Variants in FLRT1 observed in about 807,000 individuals in gnomAD.
FLRT1 encodes the protein fibronectin leucine rich transmembrane protein 1.
Under a neutral mutation model 30.9 loss-of-function variants are expected in FLRT1, and 14 were observed. That is an observed-to-expected ratio of 0.45 (90% CI 0.30 to 0.71). The LOEUF (loss-of-function observed/expected upper bound fraction) is 0.71. FLRT1 is among the 30% of genes least tolerant of loss of function. FLRT1 has a pLI of 0.08. For synonymous variants in FLRT1, 368 were observed against 430.4 expected (o/e 0.85, Z 1.80); for missense variants, 737 against 949.2 (o/e 0.78, Z 2.94).
In FLRT1 at chr11:64,064,306, G is replaced by A. The variant is rs746511546; in HGVS notation, c.-1038+28147G>A. Among the ~76,000 whole-genome samples, 2 of 152,182 alleles carry A rather than the reference G, an allele frequency of 1.3e-5. No homozygotes were observed. Among genetic ancestry groups the A allele is most frequent in the Non-Finnish European group, 2.9e-5 (2 of 68,024 alleles). ...CCACGTGCAGCCCTGTTCAGGCGGC[G>A]GGTAGGGGGGTGATGTCTCATCAGA... On this transcript the variant is annotated intron_variant, in intron 1 of 2. Transcript: ENST00000682287. This position sits in a 1 kb window ranked among gnomAD's most constrained non-coding sequence, Gnocchi z 4.5.
intron 1 of FLRT1, among the ~76,000 whole-genome samples, chr11:64,085,807 G>C (rs896420146): frequency 6.6e-5 from 10 of 152,220 alleles, no homozygotes; most frequent in African/African-American, 2.2e-4. Flanking sequence ...AGCTGGGCAA[G>C]TCGGGGAATA....
chr11:64,108,688 T>G (rs2134584383), intron 2 of FLRT1, among the ~76,000 whole-genome samples: 1 of 152,360 alleles, frequency 6.6e-6, no homozygotes, highest in Non-Finnish European at 1.5e-5. Context: ...GAGAAACTGC[T>G]TCTGCCCGCA....
chr11:64,063,121 C>G lies in FLRT1; in HGVS notation c.-1038+26962C>G, dbSNP rs377225664. Among the ~76,000 whole-genome samples the G allele has an allele frequency of 1.6e-4, 25 of 152,268 alleles. No homozygotes were observed. The East Asian group carries it at 4.4e-3, about 27-fold the overall frequency. Reference sequence around the variant, plus strand: ...AAACTTCAGAGAACAACGCGGGCAGCAGAGAGGCCACCCTATGGTGATCAA... The same window carrying G: ...AAACTTCAGAGAACAACGCGGGCAGGAGAGAGGCCACCCTATGGTGATCAA... On this transcript the variant is annotated intron_variant, in intron 1 of 2. Transcript: ENST00000682287.
intron 1 of FLRT1, among the ~76,000 whole-genome samples, chr11:64,054,393 G>C (rs1943746688): frequency 6.6e-6 from 1 of 152,212 alleles, no homozygotes; most frequent in Non-Finnish European, 1.5e-5. Flanking sequence ...CAGCCAGCCT[G>C]ATAGGCTTTG....
At position 64,097,360 on chromosome 11, in the gene FLRT1, G is replaced by A. The variant is rs527744450; in HGVS notation, c.-1037-5834G>A. ...CACCTCTGGCCAGAGCTGCCCACAT[G>A]TGAAGGGAAGGAAGGAAGAAAATAA... On this transcript the variant is annotated intron_variant, in intron 1 of 2. Coordinates refer to ENST00000682287, the MANE Select transcript of FLRT1 (RefSeq NM_013280.5). Among the ~76,000 whole-genome samples the A allele has an allele frequency of 2.6e-5, 4 of 152,376 alleles. No homozygotes were observed. The East Asian group carries it at 7.7e-4, about 29-fold the overall frequency.
intron 1 of FLRT1, among the ~76,000 whole-genome samples, chr11:64,066,294 CAAAAAAAAAA>C (rs59963244): frequency 2.6e-3 from 131 of 50,946 alleles, no homozygotes; most frequent in Non-Finnish European, 4.9e-3. Flanking sequence ...GAGACTGTCT[CAAAAAAAAAA>C]AAAAAAAAAA....
At position 64,070,672 on chromosome 11, in the gene FLRT1, C is replaced by T. The variant is rs113356862; in HGVS notation, c.-1037-32522C>T. On this transcript the variant is annotated intron_variant, in intron 1 of 2. Coordinates refer to ENST00000682287, the MANE Select transcript of FLRT1 (RefSeq NM_013280.5). ...GGGCCTCAGGGGCCTCCCAGCTGAT[C>T]GGGGCAGATTTAACAGGACTTTGAA... is the stretch of plus-strand genomic sequence containing the variant. Among the ~76,000 whole-genome samples the T allele has an allele frequency of 4.4e-3, 675 of 152,240 alleles. 2 individuals carry two copies. The highest frequency in any genetic ancestry group is 0.015 in the African/African-American group (629 of 41,542).
rs1590932597 is a variant in FLRT1 at position 64,116,934 on chromosome 11, A to G, written c.667A>G (p.Ser223Gly). 2 of 1,611,460 alleles carry G rather than the reference A, an allele frequency of 1.2e-6. No individual in the cohort carries two copies. Among genetic ancestry groups the G allele is most frequent in the Non-Finnish European group, 8.5e-7 (1 of 1,179,988 alleles). Residue 223 changes from serine (S) to glycine (G), a missense_variant, in exon 3 of 3, where the codon AGC becomes GGC. Physicochemically the swap from Ser to Gly is moderately conservative, Grantham distance 56. Coordinates refer to ENST00000682287, the MANE Select transcript of FLRT1 (RefSeq NM_013280.5). ...GCTGCATGCCTTCAAGGGCCTCAAC[A>G]GCCTGCGGCGCCTGGTGCTGGACGG... is the stretch of plus-strand genomic sequence containing the variant. Reference protein sequence around the residue: ...IPLHAFKGLNSLRRLVLDGNL... With the variant: ...IPLHAFKGLNGLRRLVLDGNL...
rs184053640 is a variant in FLRT1, at chr11:64,057,655, G to A, written c.-1038+21496G>A. ...CCTTGAAGATCAAGGTCAGGAGAGG[G>A]GGCTACAGGGTCCCCAGGGTGTCTG... On this transcript the variant is annotated intron_variant, in intron 1 of 2. Coordinates refer to ENST00000682287, the MANE Select transcript of FLRT1 (RefSeq NM_013280.5). Among the ~76,000 whole-genome samples, 6 of 152,308 alleles carry A rather than the reference G, an allele frequency of 3.9e-5. No homozygotes were observed. In the East Asian group the frequency reaches 9.6e-4, roughly 24 times the overall value.
At chr11:64,097,013 G>C (rs1944588556) in intron 1 of FLRT1, among the ~76,000 whole-genome samples, 1 of 152,210 alleles carries the variant, frequency 6.6e-6, no homozygotes, top group South Asian at 2.1e-4. Context: ...AAAGGCACAA[G>C]AGCACTCCAG....
At chr11:64,091,046 A>C (rs1169051024) in intron 1 of FLRT1, among the ~76,000 whole-genome samples, 1 of 142,532 alleles carries the variant, frequency 7.0e-6, no homozygotes, top group Non-Finnish European at 1.5e-5. Context: ...AAGAAGACAG[A>C]GGAGGAGGAG....
intron 1 of FLRT1, among the ~76,000 whole-genome samples, chr11:64,073,896 G>T (rs1314680344): frequency 6.6e-6 from 1 of 152,176 alleles, no homozygotes; most frequent in Non-Finnish European, 1.5e-5. Context: ...AGCCACTTAG[G>T]GGCTCTGGGG....
In FLRT1 at chr11:64,100,499, A is replaced by G. The variant is rs142122125; in HGVS notation, c.-1037-2695A>G. 3.8e-3 allele frequency among the ~76,000 whole-genome samples: 578 copies of G among 152,278 alleles called. 2 individuals are homozygous for G. The highest frequency in any genetic ancestry group is 6.8e-3 in the Non-Finnish European group (463 of 68,016). Reference sequence around the variant, plus strand: ...GGAGGCCAAGGCGAGGAGTGTAACCACTAACTTCACACGGCATGGTCTCCA... The same window carrying G: ...GGAGGCCAAGGCGAGGAGTGTAACCGCTAACTTCACACGGCATGGTCTCCA... On this transcript the variant is annotated intron_variant, in intron 1 of 2. Transcript: ENST00000682287.
intron 1 of FLRT1, among the ~76,000 whole-genome samples, chr11:64,078,689 C>A (rs541075909): frequency 6.6e-6 from 1 of 152,268 alleles, no homozygotes; most frequent in African/African-American, 2.4e-5. Context: ...CTTTGAGGTG[C>A]CCCAGCAGCA....
At position 64,082,329 on chromosome 11, in the gene FLRT1, TC is replaced by T. The variant is rs1944318705; in HGVS notation, c.-1037-20863del. On this transcript the variant is annotated intron_variant, in intron 1 of 2. Coordinates refer to ENST00000682287, the MANE Select transcript of FLRT1 (RefSeq NM_013280.5). The surrounding 1 kb of genome is among the most constrained non-coding windows in gnomAD (Gnocchi z 4.5). ...AGCAGAGACGCTGGGTGGAGGATGA[TC>T]CGGGGGGACCGTGGAAGGCAGGACG... 6.6e-6 allele frequency among the ~76,000 whole-genome samples: 1 copy of T among 151,130 alleles called. No homozygotes were observed. The highest frequency in any genetic ancestry group is 1.9e-4 in the East Asian group (1 of 5,136).
chr11:64,067,396 C>G lies in FLRT1; in HGVS notation c.-1038+31237C>G, dbSNP rs1324056881. Among the ~76,000 whole-genome samples the G allele has an allele frequency of 6.6e-6, 1 of 152,150 alleles. No individual in the cohort carries two copies. Among genetic ancestry groups the G allele is most frequent in the Non-Finnish European group, 1.5e-5 (1 of 68,018 alleles). On this transcript the variant is annotated intron_variant, in intron 1 of 2. Transcript: ENST00000682287. The surrounding 1 kb of genome is among the most constrained non-coding windows in gnomAD (Gnocchi z 4.6). ...CTGACGTGAAAATGAAATATAGATT[C>G]AATACCTGAGCCTTTCAGCTCACAA... is the stretch of plus-strand genomic sequence containing the variant.
intron 1 of FLRT1, among the ~76,000 whole-genome samples, chr11:64,061,330 CT>C (rs1332951211): frequency 6.6e-6 from 1 of 152,212 alleles, no homozygotes; most frequent in Non-Finnish European, 1.5e-5. Flanking sequence ...CACGCTGAGC[CT>C]CCGCCCCCAG....
Position 64,103,606 on chromosome 11 carries a change from TA to T in FLRT1, c.-622del, listed in dbSNP as rs1253952580. 2.1e-5 allele frequency: 3 copies of T among 140,376 alleles called. No homozygotes were observed. The highest frequency in any genetic ancestry group is 3.1e-5 in the Non-Finnish European group (2 of 64,798). The allele number at this position is 140,376 out of a possible 1,614,324, so 8.7% of individuals were successfully genotyped here. A position where few individuals can be genotyped will look rare whatever the true frequency, so the allele number is the denominator to read the frequency against. On this transcript the variant is annotated 5_prime_UTR_variant, in exon 2 of 3. Coordinates refer to ENST00000682287, the MANE Select transcript of FLRT1 (RefSeq NM_013280.5). ...GAATTAAAAAAAAAAAAAGCCTTGG[TA>T]AACAAAAAGGGGGTAAAAGCCACGC...
intron 1 of FLRT1, among the ~76,000 whole-genome samples, chr11:64,072,221 G>T: frequency 6.6e-6 from 1 of 152,120 alleles, no homozygotes; most frequent in Non-Finnish European, 1.5e-5. Context: ...AGCTGCTGTG[G>T]GATGGAGGGG....
Sources: gnomAD v4.1 joint callset for allele counts (sites outside exome capture counted in the v4.1 genomes callset) on GRCh38, gnomAD v4.1.1 for gene constraint, Gnocchi (gnomAD v3.1) non-coding constraint, MANE v1.5 for transcripts, NCBI Gene and HGNC (gene_info 2026-07-23, HGNC 2026-07-21) for gene names.